Variants in ANKRD6 observed in about 807,000 individuals in gnomAD.
ANKRD6 encodes ankyrin repeat domain-containing protein 6.
A neutral mutation model predicts 82.3 loss-of-function variants in ANKRD6; 56 were observed. The observed-to-expected ratio is 0.68, with a 90% CI of 0.55 to 0.85. The LOEUF (loss-of-function observed/expected upper bound fraction) is 0.85. ANKRD6 is among the 40% of genes least tolerant of loss of function. The pLI is 0.00. For missense variants in ANKRD6, 852 were observed against 907.6 expected (o/e 0.94, Z 0.79); for synonymous variants, 347 against 352.1 (o/e 0.99, Z 0.16).
At chr6:89,617,600 C>T (rs373484836) in intron 8 of ANKRD6, among the ~76,000 whole-genome samples, 10 of 152,242 alleles carry the variant, frequency 6.6e-5, no homozygotes, top group African/African-American at 2.4e-4. Flanking sequence ...AAACATTCCC[C>T]CTGGATGCTG....
At chr6:89,571,017 T>C (rs942044017) in intron 2 of ANKRD6, among the ~76,000 whole-genome samples, 1 of 152,150 alleles carries the variant, frequency 6.6e-6, no homozygotes. Context: ...GGGTTCCCAC[T>C]TTTCCACATC....
chr6:89,599,919 GA>G (rs1796718486), intron 3 of ANKRD6, among the ~76,000 whole-genome samples: 2 of 152,032 alleles, frequency 1.3e-5, no homozygotes, highest in African/African-American at 2.4e-5. Context: ...GTGTTTATCT[GA>G]CCCGGGCTCT....
intron 1 of ANKRD6, among the ~76,000 whole-genome samples, chr6:89,524,516 G>T (rs1327822881): frequency 6.6e-6 from 1 of 152,094 alleles, no homozygotes; most frequent in East Asian, 1.9e-4. Flanking sequence ...AACGACATTC[G>T]CAGCAACTGG....
At position 89,631,229 on chromosome 6, in the gene ANKRD6, C is replaced by A. The variant is rs1429843697; in HGVS notation, c.*225C>A. 10 of 742,868 alleles carry A rather than the reference C, an allele frequency of 1.3e-5. No individual in the cohort carries two copies. The highest frequency in any genetic ancestry group is 1.9e-5 in the Non-Finnish European group (10 of 524,860). 46.0% of individuals were successfully genotyped at this position (742,868 alleles called of 1,614,324 possible). On this transcript the variant is annotated 3_prime_UTR_variant, in exon 16 of 16. Transcript: ENST00000339746. ...GGGAAGCTTGCTTAGTTTTGGGTTT[C>A]ATTATAAACTCTTAGCCTCAGTCCA...
At chr6:89,485,986 T>C (rs1777321024) in intron 1 of ANKRD6, among the ~76,000 whole-genome samples, 1 of 152,230 alleles carries the variant, frequency 6.6e-6, no homozygotes, top group Admixed American at 6.5e-5. Flanking sequence ...AAATAATTTA[T>C]TTAAAGAAAA....
chr6:89,468,220 A>G (rs1166974242), intron 1 of ANKRD6, among the ~76,000 whole-genome samples: 1 of 152,204 alleles, frequency 6.6e-6, no homozygotes, highest in Non-Finnish European at 1.5e-5. Context: ...AATAAATGAT[A>G]ATGAGGCTAT....
At chr6:89,524,160 TA>T (rs1387073337) in intron 1 of ANKRD6, among the ~76,000 whole-genome samples, 5 of 152,102 alleles carry the variant, frequency 3.3e-5, no homozygotes, top group East Asian at 1.9e-4. Context: ...ATTTTCTTTT[TA>T]TTTTTTTTCA....
At chr6:89,445,626 A>G (rs773883784) in intron 1 of ANKRD6, among the ~76,000 whole-genome samples, 48 of 152,042 alleles carry the variant, frequency 3.2e-4, no homozygotes, top group Non-Finnish European at 7.4e-5. Context: ...TTTGTATTTT[A>G]GTAGAGACTG....
At chr6:89,446,794 T>A (rs1772139355) in intron 1 of ANKRD6, among the ~76,000 whole-genome samples, 1 of 152,178 alleles carries the variant, frequency 6.6e-6, no homozygotes, top group Non-Finnish European at 1.5e-5. Flanking sequence ...GGAAGGTAAT[T>A]TAATCATGGG....
At chr6:89,548,739 T>A (rs1270136725) in intron 1 of ANKRD6, among the ~76,000 whole-genome samples, 1 of 152,248 alleles carries the variant, frequency 6.6e-6, no homozygotes, top group Non-Finnish European at 1.5e-5. Flanking sequence ...TGGAGCTTTG[T>A]TATTATTTTG....
chr6:89,621,544 C>T (rs544351714), intron 9 of ANKRD6: 103 of 211,912 alleles, frequency 4.9e-4, no homozygotes, highest in African/African-American at 1.7e-3. Flanking sequence ...GTGCCTCACA[C>T]GGGGCTGCTG....
At chr6:89,556,840 A>G (rs1012411845) in intron 1 of ANKRD6, among the ~76,000 whole-genome samples, 1 of 152,208 alleles carries the variant, frequency 6.6e-6, no homozygotes, top group African/African-American at 2.4e-5. Flanking sequence ...TATCCCTTCT[A>G]TTTTACATGT....
chr6:89,603,991 G>C (rs1797901906), intron 4 of ANKRD6, among the ~76,000 whole-genome samples: 1 of 152,190 alleles, frequency 6.6e-6, no homozygotes, highest in Non-Finnish European at 1.5e-5. Context: ...GACAGAGTGA[G>C]ACCTTGTCTC....
chr6:89,629,359 C>T, intron 15 of ANKRD6, 121 bp downstream of exon 15: 1 of 1,402,472 alleles, frequency 7.1e-7, no homozygotes, highest in Non-Finnish European at 9.8e-7. Context: ...TGGTAAAGTG[C>T]ACTCTGTAGG....
At chr6:89,595,436 A>G (rs1562965380) in intron 2 of ANKRD6, among the ~76,000 whole-genome samples, 1 of 152,132 alleles carries the variant, frequency 6.6e-6, no homozygotes, top group Non-Finnish European at 1.5e-5. Context: ...AAAGAAAAAA[A>G]AAAAAGGAAG....
rs1478264285 is a variant in ANKRD6, at chr6:89,603,032, G to T, written c.223G>T (p.Asp75Tyr). 2 of 1,602,014 alleles carry T rather than the reference G, an allele frequency of 1.2e-6. No homozygotes were observed. Among genetic ancestry groups the T allele is most frequent in the South Asian group, 2.3e-5 (2 of 88,200 alleles). The change falls in exon 4 of 16, where the codon GAC (aspartate) becomes TAC (tyrosine). Residue 75 changes from aspartate (D) to tyrosine (Y), a missense_variant. Asp to Tyr is a radical substitution (Grantham distance 160, BLOSUM62 -3). Coordinates refer to ENST00000339746, the MANE Select transcript of ANKRD6 (RefSeq NM_001242809.2). ...GCDLDVQDDG[D>Y]QTALHRATVV... The stretch of plus-strand genomic sequence containing the variant: ...CTGCCTTTGTGTCACTTTGCAGGGG[G>T]ACCAGACCGCCTTGCACCGGGCCAC...
chr6:89,575,188 C>A (rs1271868516), intron 2 of ANKRD6, among the ~76,000 whole-genome samples: 3 of 152,112 alleles, frequency 2.0e-5, no homozygotes, highest in African/African-American at 7.2e-5. Flanking sequence ...CAGATAATTT[C>A]TTTATGGCTT....
chr6:89,507,634 T>C (rs1780031706), intron 1 of ANKRD6, among the ~76,000 whole-genome samples: 1 of 152,206 alleles, frequency 6.6e-6, no homozygotes, highest in Non-Finnish European at 1.5e-5. Context: ...TTACCTTTGA[T>C]ATTATGGTAA....
chr6:89,626,616 T>C lies in ANKRD6; in HGVS notation c.1372-967T>C, dbSNP rs1167769898. Among the ~76,000 whole-genome samples the C allele has an allele frequency of 2.0e-5, 3 of 152,224 alleles. No homozygotes were observed. In the South Asian group the frequency reaches 6.2e-4, roughly 32 times the overall value. On this transcript the variant is annotated intron_variant, in intron 13 of 15. Coordinates refer to ENST00000339746, the MANE Select transcript of ANKRD6 (RefSeq NM_001242809.2). Reference sequence around the variant, plus strand: ...TTTCTTAATGTTTTGAACATCTGGGTGTGGAATGCCACGTGTGTCCCTGAC... The same window carrying C: ...TTTCTTAATGTTTTGAACATCTGGGCGTGGAATGCCACGTGTGTCCCTGAC...
Sources: gnomAD v4.1 joint callset for allele counts (sites outside exome capture counted in the v4.1 genomes callset) on GRCh38, gnomAD v4.1.1 for gene constraint, MANE v1.5 for transcripts, NCBI Gene and HGNC (gene_info 2026-07-23, HGNC 2026-07-21) for gene names.